The following SOX6 variants were observed in gnomAD, a reference collection of about 807,000 sequenced individuals.
The protein encoded by SOX6 is SRY-box transcription factor 6.
SOX6 carries 11 observed loss-of-function variants against 97.8 expected under a neutral mutation model. The ratio of observed to expected loss-of-function variants is 0.11; its 90% CI spans 0.07 to 0.19. SOX6 has a LOEUF of 0.19. Among genes scored for constraint, SOX6 ranks in the 10% least tolerant of loss-of-function variants. SOX6 has a pLI of 1.00. For synonymous variants in SOX6, 360 were observed against 371.4 expected, an observed-to-expected ratio of 0.97 and a Z score of 0.35; for missense variants, 810 against 1,039.5, an observed-to-expected ratio of 0.78 and a Z score of 3.04.
intron 3 of SOX6, among the ~76,000 whole-genome samples, chr11:16,244,983 C>G (rs1174430817): frequency 6.6e-6 from 1 of 151,376 alleles, no homozygotes; most frequent in African/African-American, 2.4e-5. Flanking sequence ...GTTTGCCTAC[C>G]AAAAAAGAAA....
chr11:16,233,678 A>C (rs1382955965), intron 4 of SOX6, among the ~76,000 whole-genome samples: 1 of 152,114 alleles, frequency 6.6e-6, no homozygotes, highest in Non-Finnish European at 1.5e-5. Flanking sequence ...TATGAAGGAA[A>C]TACTTGTATT....
At chr11:16,682,823 G>C (rs1351500098) in intron 3 of SOX6, among the ~76,000 whole-genome samples, 1 of 152,170 alleles carries the variant, frequency 6.6e-6, no homozygotes, top group East Asian at 1.9e-4. Flanking sequence ...TGACATGGTT[G>C]TATATTTAGA....
At chr11:16,147,879 G>A (rs1850352359) in intron 6 of SOX6, among the ~76,000 whole-genome samples, 1 of 152,128 alleles carries the variant, frequency 6.6e-6, no homozygotes, top group Non-Finnish European at 1.5e-5. Context: ...ACTTACTAAT[G>A]ACTGTACACC....
At position 16,257,797 on chromosome 11, in the gene SOX6, C is replaced by T. The variant is rs540482622; in HGVS notation, c.446-23126G>A. Among the ~76,000 whole-genome samples, 4 of 151,716 alleles carry T rather than the reference C, an allele frequency of 2.6e-5. No individual in the cohort carries two copies. The South Asian group carries it at 6.2e-4, about 24-fold the overall frequency. On this transcript the variant is annotated intron_variant, in intron 3 of 15. Coordinates refer to ENST00000683767, the MANE Select transcript of SOX6 (RefSeq NM_001367873.1). ...CCACAGACTGGGAAAAAAATATTTG[C>T]AAAAGACATATCTGATAAAGGAATG... is the stretch of plus-strand genomic sequence containing the variant.
intron 2 of SOX6, among the ~76,000 whole-genome samples, chr11:16,339,149 G>T (rs1856553184): frequency 6.6e-6 from 1 of 151,954 alleles, no homozygotes; most frequent in Non-Finnish European, 1.5e-5. Flanking sequence ...GACTCCCAGT[G>T]GGTCCTCCTT....
At chr11:16,008,977 G>C (rs989119068) in intron 13 of SOX6, among the ~76,000 whole-genome samples, 2 of 152,058 alleles carry the variant, frequency 1.3e-5, no homozygotes, top group Non-Finnish European at 1.5e-5. Flanking sequence ...TGGTTCCACA[G>C]AGATGCTATT....
rs571795988 is a variant in SOX6 at position 16,017,598 on chromosome 11, A to G, written c.1624-2548T>C. Among the ~76,000 whole-genome samples the G allele has an allele frequency of 3.9e-5, 6 of 152,210 alleles. No individual in the cohort carries two copies. The East Asian group carries it at 1.2e-3, about 29-fold the overall frequency. On this transcript the variant is annotated intron_variant, in intron 12 of 15. Transcript: ENST00000683767. The stretch of plus-strand genomic sequence containing the variant: ...AAGATAAGAGGGCCTGATGTCTACA[A>G]GTTACGTCTGGGCAGCTGAGCTAAG...
chr11:16,540,794 A>G (rs867749086), intron 4 of SOX6, among the ~76,000 whole-genome samples: 5 of 152,206 alleles, frequency 3.3e-5, no homozygotes, highest in Non-Finnish European at 5.9e-5. Flanking sequence ...AAGGAGAACT[A>G]CAAACCACTG....
intron 3 of SOX6, among the ~76,000 whole-genome samples, chr11:16,693,612 T>C (rs898666899): frequency 6.6e-6 from 1 of 152,150 alleles, no homozygotes; most frequent in African/African-American, 2.4e-5. Flanking sequence ...TTTAAATAGT[T>C]CCCTAAGACC....
intron 9 of SOX6, among the ~76,000 whole-genome samples, chr11:16,077,547 G>A (rs1848384817): frequency 6.6e-6 from 1 of 152,042 alleles, no homozygotes; most frequent in African/African-American, 2.4e-5. Flanking sequence ...GCAAAGTCAT[G>A]GAATCAACCT....
At chr11:16,315,779 C>G (rs1590118011) in intron 3 of SOX6, 1 of 152,196 alleles carries the variant, frequency 6.6e-6, no homozygotes, top group South Asian at 2.1e-4. Context: ...AAGACACCAT[C>G]ATGTCATCCT....
chr11:16,071,804 G>A (rs1296414184), intron 9 of SOX6, among the ~76,000 whole-genome samples: 1 of 152,034 alleles, frequency 6.6e-6, no homozygotes, highest in Non-Finnish European at 1.5e-5. Flanking sequence ...TGTAGACATG[G>A]AGACAGTAAT....
chr11:16,413,609 A>T (rs1359402452), intron 1 of SOX6, among the ~76,000 whole-genome samples: 1 of 139,260 alleles, frequency 7.2e-6, no homozygotes, highest in Non-Finnish European at 1.5e-5. Flanking sequence ...CAACCTCTGC[A>T]TCCTGGGTTC....
intron 3 of SOX6, among the ~76,000 whole-genome samples, chr11:16,673,392 A>G (rs1202969266): frequency 6.6e-6 from 1 of 152,174 alleles, no homozygotes; most frequent in African/African-American, 2.4e-5. Flanking sequence ...AAAAACTCAA[A>G]TAAATGAAAT....
chr11:16,722,915 T>A (rs1049343373), intron 2 of SOX6, among the ~76,000 whole-genome samples: 1 of 152,174 alleles, frequency 6.6e-6, no homozygotes, highest in Non-Finnish European at 1.5e-5. Flanking sequence ...AAAAGCAGTA[T>A]GGCAATTCCT....
At chr11:16,459,826 T>C (rs1036393079) in intron 1 of SOX6, among the ~76,000 whole-genome samples, 1 of 151,500 alleles carries the variant, frequency 6.6e-6, no homozygotes, top group Non-Finnish European at 1.5e-5. Flanking sequence ...AATCAGGGAG[T>C]TGCAGTGAGT....
upstream of SOX6, among the ~76,000 whole-genome samples, chr11:16,356,796 T>C (rs1857087986): frequency 6.6e-6 from 1 of 152,060 alleles, no homozygotes. Flanking sequence ...GGTGAGAGTT[T>C]ACAGCAAAGA....
intron 4 of SOX6, chr11:16,484,742 A>G (rs1860400796): frequency 1.1e-5 from 5 of 461,578 alleles, no homozygotes; most frequent in Non-Finnish European, 2.0e-5. Flanking sequence ...TTTTAAAGCA[A>G]TGAAATAAGT....
intron 1 of SOX6, among the ~76,000 whole-genome samples, chr11:16,427,599 A>G (rs139717719): frequency 3.3e-5 from 5 of 151,676 alleles, no homozygotes; most frequent in African/African-American, 9.7e-5. Flanking sequence ...TTGTCCTTGC[A>G]ATAGTTTGCT....
Sources: allele counts gnomAD v4.1 joint callset (sites outside exome capture counted in the v4.1 genomes callset), GRCh38; gene constraint gnomAD v4.1.1; transcripts MANE v1.5; gene names NCBI Gene and HGNC (gene_info 2026-07-23, HGNC 2026-07-21).